LRMDA: variants seen among roughly 807,000 people sequenced by gnomAD.
LRMDA encodes the protein leucine rich melanocyte differentiation associated.
A neutral mutation model predicts 29.8 loss-of-function variants in LRMDA; 18 were observed. The ratio of observed to expected loss-of-function variants is 0.60; its 90% confidence interval spans 0.42 to 0.90. The LOEUF (loss-of-function observed/expected upper bound fraction) is 0.90. Among genes scored for constraint, LRMDA ranks in the 40% least tolerant of loss-of-function variants. LRMDA has a pLI of 0.00. For synonymous variants in LRMDA, 125 were observed against 109.4 expected (o/e 1.14, Z -0.89); for missense variants, 273 against 273.9 (o/e 1.00, Z 0.02).
intron 2 of LRMDA, among the ~76,000 whole-genome samples, chr10:76,033,190 C>G (rs761708860): frequency 6.6e-6 from 1 of 152,178 alleles, no homozygotes; most frequent in East Asian, 1.9e-4. Flanking sequence ...CTCTCTGCCC[C>G]CTGACTTCTG....
chr10:76,241,926 T>C (rs1852284390), intron 5 of LRMDA: 1 of 152,266 alleles, frequency 6.6e-6, no homozygotes, highest in Admixed American at 6.5e-5. Flanking sequence ...AGATTCATTA[T>C]GCTAATGCCT....
intron 2 of LRMDA, among the ~76,000 whole-genome samples, chr10:75,854,284 C>T (rs61152758): frequency 6.6e-6 from 1 of 152,112 alleles, no homozygotes; most frequent in Non-Finnish European, 1.5e-5. Context: ...TTTAGAACAT[C>T]CTTCTTTGCT....
At chr10:75,713,306 G>T (rs924248975) in intron 2 of LRMDA, among the ~76,000 whole-genome samples, 1 of 152,176 alleles carries the variant, frequency 6.6e-6, no homozygotes, top group African/African-American at 2.4e-5. Context: ...TTACAGAATG[G>T]TTATTTCAGA....
chr10:76,004,180 G>T (rs1306127979), intron 2 of LRMDA, among the ~76,000 whole-genome samples: 1 of 152,142 alleles, frequency 6.6e-6, no homozygotes, highest in Non-Finnish European at 1.5e-5. Context: ...AAGGTGCTTT[G>T]CTATATTTAA....
intron 6 of LRMDA, among the ~76,000 whole-genome samples, chr10:76,518,461 C>T (rs1230768747): frequency 6.6e-6 from 1 of 151,984 alleles, no homozygotes; most frequent in Non-Finnish European, 1.5e-5. Context: ...TTTTTAAAAT[C>T]TAAGTTTGTA....
At chr10:75,521,746 C>A (rs1010717782) in intron 2 of LRMDA, among the ~76,000 whole-genome samples, 4 of 152,246 alleles carry the variant, frequency 2.6e-5, no homozygotes, top group African/African-American at 7.2e-5. Flanking sequence ...ATGAGATGAA[C>A]CAGGTACCTC....
intron 2 of LRMDA, among the ~76,000 whole-genome samples, chr10:75,772,526 G>C (rs1003336005): frequency 6.6e-6 from 1 of 152,190 alleles, no homozygotes; most frequent in African/African-American, 2.4e-5. Flanking sequence ...GTTGATACAA[G>C]GATCAGGGAT....
chr10:76,382,746 C>T (rs1215612555), intron 6 of LRMDA, among the ~76,000 whole-genome samples: 1 of 152,176 alleles, frequency 6.6e-6, no homozygotes, highest in Non-Finnish European at 1.5e-5. Flanking sequence ...GCTTTGTCCC[C>T]TGGGGACAGA....
chr10:75,817,984 G>A (rs1203053136), intron 2 of LRMDA, among the ~76,000 whole-genome samples: 1 of 152,178 alleles, frequency 6.6e-6, no homozygotes, highest in Non-Finnish European at 1.5e-5. Flanking sequence ...TTGGCTTGGT[G>A]CTTACACTTG....
chr10:75,662,212 T>C (rs1293513671), intron 2 of LRMDA, among the ~76,000 whole-genome samples: 1 of 152,172 alleles, frequency 6.6e-6, no homozygotes, highest in South Asian at 2.1e-4. Context: ...ATGGTGGTAA[T>C]ACACACAGTA....
intron 5 of LRMDA, among the ~76,000 whole-genome samples, chr10:76,209,732 G>A (rs1174501590): frequency 1.3e-5 from 2 of 152,152 alleles, no homozygotes; most frequent in African/African-American, 4.8e-5. Context: ...ATTTGTGGCT[G>A]CTTCCATTGC....
intron 2 of LRMDA, among the ~76,000 whole-genome samples, chr10:75,929,288 A>G (rs1175103307): frequency 1.7e-5 from 2 of 120,870 alleles, no homozygotes; most frequent in Non-Finnish European, 3.5e-5. Flanking sequence ...ATTTAAATGC[A>G]TGATCTATGT....
intron 2 of LRMDA, among the ~76,000 whole-genome samples, chr10:75,801,767 G>A (rs554849594): frequency 6.6e-6 from 1 of 152,272 alleles, no homozygotes; most frequent in Admixed American, 6.5e-5. Flanking sequence ...GCTGTCGAAT[G>A]GCTTCCTTAG....
At chr10:75,726,521 T>C (rs1368084654) in intron 2 of LRMDA, among the ~76,000 whole-genome samples, 1 of 152,212 alleles carries the variant, frequency 6.6e-6, no homozygotes, top group East Asian at 1.9e-4. Flanking sequence ...GAGTGGTTTT[T>C]ACACCAGGTC....
At chr10:75,996,583 G>A (rs751783555) in intron 2 of LRMDA, among the ~76,000 whole-genome samples, 31 of 152,164 alleles carry the variant, frequency 2.0e-4, no homozygotes, top group Non-Finnish European at 4.4e-4. Context: ...CAAATGTTTC[G>A]ATACTAGCAA....
At chr10:76,327,664 A>G (rs1460818378) in intron 6 of LRMDA, among the ~76,000 whole-genome samples, 6 of 152,154 alleles carry the variant, frequency 3.9e-5, no homozygotes, top group Admixed American at 2.0e-4. Flanking sequence ...AGTAATAGGA[A>G]CCCAGGGGAA....
At chr10:76,034,129 C>T (rs1018343564) in intron 2 of LRMDA, among the ~76,000 whole-genome samples, 4 of 152,128 alleles carry the variant, frequency 2.6e-5, no homozygotes, top group African/African-American at 7.2e-5. Flanking sequence ...AATAGAGGAG[C>T]GGAGGCAAAG....
intron 5 of LRMDA, among the ~76,000 whole-genome samples, chr10:76,262,613 G>A (rs1448179013): frequency 1.3e-5 from 2 of 152,148 alleles, no homozygotes; most frequent in Admixed American, 1.3e-4. Context: ...ATTGGTCCTG[G>A]GTTATTCAAC....
chr10:75,782,857 T>A (rs1843408451), intron 2 of LRMDA: 1 of 1,542,642 alleles, frequency 6.5e-7, no homozygotes, highest in African/African-American at 1.4e-5. Flanking sequence ...TTTATTCTTT[T>A]TCCCTTGCCC....
Sources: allele counts gnomAD v4.1 joint callset (sites outside exome capture counted in the v4.1 genomes callset), GRCh38; gene constraint gnomAD v4.1.1; transcripts MANE v1.5; gene names NCBI Gene and HGNC (gene_info 2026-07-23, HGNC 2026-07-21).